KIF2A: variants seen among roughly 807,000 people sequenced by gnomAD.
KIF2A encodes kinesin-like protein KIF2A.
KIF2A carries 22 observed loss-of-function variants against 100.2 expected under a neutral mutation model. That is an observed-to-expected ratio of 0.22 (90% CI 0.16 to 0.31). KIF2A has a LOEUF of 0.31. KIF2A is among the 10% of genes least tolerant of loss of function. The pLI, the probability that KIF2A is intolerant of heterozygous loss-of-function variation, is 1.00. For synonymous variants in KIF2A, 268 were observed against 285.9 expected, an observed-to-expected ratio of 0.94 and a Z score of 0.63; for missense variants, 495 against 898.7, an observed-to-expected ratio of 0.55 and a Z score of 5.74.
At chr5:62,375,072 A>G (rs1561280543) in intron 18 of KIF2A, among the ~76,000 whole-genome samples, 1 of 152,252 alleles carries the variant, frequency 6.6e-6, no homozygotes, top group African/African-American at 2.4e-5. Flanking sequence ...TAAAATTTTT[A>G]ATGATACTTT....
At chr5:62,309,472 T>C (rs1745460934) in intron 1 of KIF2A, among the ~76,000 whole-genome samples, 1 of 152,214 alleles carries the variant, frequency 6.6e-6, no homozygotes, top group African/African-American at 2.4e-5. Flanking sequence ...ACAATAGAAA[T>C]TGATGTCTGG....
At chr5:62,358,112 C>T in intron 8 of KIF2A, 25 bp from the exon 9 acceptor site, 1 of 1,486,652 alleles carries the variant, frequency 6.7e-7, no homozygotes, top group Non-Finnish European at 9.0e-7. Flanking sequence ...AATTATTGGG[C>T]ATTGATTTTC....
chr5:62,340,522 G>T (rs1747239611), intron 1 of KIF2A, among the ~76,000 whole-genome samples: 1 of 152,108 alleles, frequency 6.6e-6, no homozygotes, highest in African/African-American at 2.4e-5. Flanking sequence ...TTCTAGTCCT[G>T]ATTAGTCTTA....
chr5:62,376,002 T>C (rs1438155570), intron 18 of KIF2A, among the ~76,000 whole-genome samples: 1 of 152,212 alleles, frequency 6.6e-6, no homozygotes, highest in Non-Finnish European at 1.5e-5. Flanking sequence ...TAAGAGAGAC[T>C]GTAGTTGCTT....
At chr5:62,350,476 T>C (rs1747793782) in intron 4 of KIF2A, among the ~76,000 whole-genome samples, 1 of 151,862 alleles carries the variant, frequency 6.6e-6, no homozygotes. Flanking sequence ...AGTCTTTCCA[T>C]GTTGCCTGGG....
chr5:62,360,000 T>G (rs1461898343), intron 9 of KIF2A, among the ~76,000 whole-genome samples: 4 of 151,712 alleles, frequency 2.6e-5, no homozygotes, highest in African/African-American at 9.7e-5. Context: ...TTTTTTTTTT[T>G]GTTTTTTTGA....
intron 18 of KIF2A, among the ~76,000 whole-genome samples, chr5:62,375,056 T>A (rs1741481605): frequency 6.6e-6 from 1 of 152,226 alleles, no homozygotes. Context: ...TGCTTTTCTG[T>A]ATGATTAAAA....
intron 4 of KIF2A, among the ~76,000 whole-genome samples, chr5:62,352,152 C>CA (rs35310169): frequency 0.33 from 38,942 of 118,736 alleles, 6,030 homozygotes; most frequent in African/African-American, 0.45. Context: ...GACTTCATCT[C>CA]AAAAAAAAAA....
Position 62,383,220 on chromosome 5 carries a change from C to T in KIF2A, c.2149+1967C>T, listed in dbSNP as rs541092754. ...GAGATTACAGGCATGAGCCACCATG[C>T]CTGGCCAGATTTTTTTTTTTTTTTT... On this transcript the variant is annotated intron_variant, in intron 20 of 20. Coordinates refer to ENST00000407818, the MANE Select transcript of KIF2A (RefSeq NM_001098511.3). Among the ~76,000 whole-genome samples the T allele has an allele frequency of 4.2e-5, 6 of 142,296 alleles. No homozygotes were observed. The East Asian group carries it at 1.2e-3, about 29-fold the overall frequency. 93.4% of individuals were successfully genotyped at this position (142,296 alleles called of 152,430 possible).
Position 62,387,630 on chromosome 5 carries a change from T to TC in KIF2A, c.*2062dup, listed in dbSNP as rs1234804076. The TC allele has an allele frequency of 6.6e-6, 1 of 152,122 alleles. No individual in the cohort carries two copies. The highest frequency in any genetic ancestry group is 1.9e-4 in the East Asian group (1 of 5,196). The allele number at this position is 152,122 out of a possible 1,614,324, so 9.4% of individuals were successfully genotyped here. A position where few individuals can be genotyped will look rare whatever the true frequency, so the allele number is the denominator to read the frequency against. On this transcript the variant is annotated 3_prime_UTR_variant, in exon 21 of 21. Coordinates refer to ENST00000407818, the MANE Select transcript of KIF2A (RefSeq NM_001098511.3). ...AGAAAAGGAACTAAAACTCAGCAGT[T>TC]CATAGGGGTAGAGGGAAATAACCTG...
intron 1 of KIF2A, among the ~76,000 whole-genome samples, chr5:62,334,165 C>A (rs866379925): frequency 3.3e-5 from 5 of 151,986 alleles, no homozygotes; most frequent in Non-Finnish European, 5.9e-5. Context: ...CAGCACTGCC[C>A]ACCCCCCGGA....
chr5:62,340,060 T>A (rs1747213543), intron 1 of KIF2A, among the ~76,000 whole-genome samples: 1 of 151,620 alleles, frequency 6.6e-6, no homozygotes, highest in African/African-American at 2.4e-5. Flanking sequence ...ATCAGCCTCC[T>A]GAGTAGCTGG....
At chr5:62,378,683 C>G (rs533310552) in intron 19 of KIF2A, among the ~76,000 whole-genome samples, 1 of 152,036 alleles carries the variant, frequency 6.6e-6, no homozygotes, top group Non-Finnish European at 1.5e-5. Flanking sequence ...TGTGGGAGGC[C>G]CAGGAGGGTG....
At chr5:62,372,574 G>A (rs997483141) in intron 17 of KIF2A, 23 bp downstream of exon 17, 1 of 1,242,010 alleles carries the variant, frequency 8.1e-7, no homozygotes, top group Admixed American at 1.9e-5. Context: ...CTATACATAA[G>A]ATGTTTATTT....
At chr5:62,385,360 C>A in intron 20 of KIF2A, 124 bp from the exon 21 acceptor site, 1 of 645,338 alleles carries the variant, frequency 1.5e-6, no homozygotes, top group Non-Finnish European at 2.6e-6. Context: ...CAACAAAGAA[C>A]AAAAGGAAAA....
At chr5:62,354,271 ATACT>A (rs1210746584) in intron 6 of KIF2A, among the ~76,000 whole-genome samples, 16 of 152,162 alleles carry the variant, frequency 1.1e-4, no homozygotes. Flanking sequence ...GTACTTCATA[ATACT>A]TACACATCTC....
chr5:62,363,990 T>G (rs1740930588), intron 14 of KIF2A, 91 bp downstream of exon 14: 10 of 994,328 alleles, frequency 1.0e-5, no homozygotes, highest in Non-Finnish European at 1.5e-5. Context: ...TTGTTTTACC[T>G]AATAAAAAGA....
At chr5:62,362,184 C>A (rs1174763783) in intron 11 of KIF2A, among the ~76,000 whole-genome samples, 1 of 151,096 alleles carries the variant, frequency 6.6e-6, no homozygotes, top group Non-Finnish European at 1.5e-5. Flanking sequence ...AGAATAACCT[C>A]ATTATGACCA....
intron 1 of KIF2A, among the ~76,000 whole-genome samples, chr5:62,329,302 G>A (rs543019684): frequency 6.6e-6 from 1 of 152,314 alleles, no homozygotes; most frequent in Admixed American, 6.5e-5. Flanking sequence ...ACTGTTACCA[G>A]TGTCAGCTGA....
Sources: allele counts gnomAD v4.1 joint callset (sites outside exome capture counted in the v4.1 genomes callset), GRCh38; gene constraint gnomAD v4.1.1; transcripts MANE v1.5; gene names NCBI Gene and HGNC (gene_info 2026-07-23, HGNC 2026-07-21).